The following PTPN21 variants were observed in gnomAD, a reference collection of about 807,000 sequenced individuals.
PTPN21 encodes tyrosine-protein phosphatase non-receptor type 21.
A neutral mutation model predicts 131.8 loss-of-function variants in PTPN21; 77 were observed. The ratio of observed to expected loss-of-function variants is 0.58; its 90% CI spans 0.49 to 0.71. PTPN21 has a LOEUF of 0.71. PTPN21 is among the 30% of genes least tolerant of loss of function. The pLI is 0.00. For synonymous variants in PTPN21, 715 were observed against 621.3 expected (o/e 1.15, Z -2.24); for missense variants, 1,552 against 1,527.1 (o/e 1.02, Z -0.27).
rs1160972950 is a variant in PTPN21, at chr14:88,479,407, G to C, written c.2024C>G (p.Pro675Arg). The C allele has an allele frequency of 1.9e-6, 3 of 1,603,654 alleles. No homozygotes were observed. Among genetic ancestry groups the C allele is most frequent in the East Asian group, 2.2e-5 (1 of 44,802 alleles). ...CTGTGTCCTCTCGGTGAAAACGCTG[G>C]GCTGGGAGCCCACCGAGACGGCTCG... ...APRAVSVGSQ[P>R]SVFTERTQRE... is the part of the protein sequence containing the mutation. Residue 675 changes from proline to arginine, a missense_variant, in exon 13 of 19, where the codon CCC becomes CGC. Transcript: ENST00000556564.
chr14:88,542,575 G>GAAT (rs2078722057), intron 2 of PTPN21, among the ~76,000 whole-genome samples: 1 of 152,208 alleles, frequency 6.6e-6, no homozygotes, highest in Non-Finnish European at 1.5e-5. Context: ...AGTCTAGGTT[G>GAAT]AATAATACTC....
chr14:88,517,156 T>C lies in PTPN21; in HGVS notation c.286A>G (p.Thr96Ala). ...KQLDKYALEP[T>A]VYFGVVFYVP... is the part of the protein sequence containing the mutation. ...TAAAACACCACTCCAAAATAGACGGTAGGTTCCAATGCATATTTATCCAGC... is the reference window on the plus strand; with the variant it reads ...TAAAACACCACTCCAAAATAGACGGCAGGTTCCAATGCATATTTATCCAGC... The change falls in exon 3 of 19, where the codon ACC becomes GCC. Residue 96 changes from threonine to alanine, a missense_variant. Thr to Ala is a moderately conservative substitution (Grantham distance 58). Around this residue, in one of 4 missense-constraint regions of PTPN21, gnomAD observed 206 missense variants for 221.6 expected, o/e 0.93. Transcript: ENST00000556564. 1.2e-6 allele frequency: 2 copies of C among 1,614,084 alleles called. No homozygotes were observed. Among genetic ancestry groups the C allele is most frequent in the South Asian group, 1.1e-5 (1 of 91,068 alleles).
rs1167296864 is a variant in PTPN21 at position 88,485,090 on chromosome 14, T to C, written c.1064A>G (p.Tyr355Cys). ...LHYNGHYTEP[Y>C]ASSQDNLFVP... is the part of the protein sequence containing the mutation. ...GTGTACTTTACCTTGGGAAGAAGCA[T>C]ATGGTTCTGTATAATGTCCATTATA... The change falls in exon 12 of 19, where the codon TAT (tyrosine) becomes TGT (cysteine). Residue 355 changes from tyrosine (Y) to cysteine (C), a missense_variant. This residue lies in a region of PTPN21 where 1,016 missense variants were observed against 883.5 expected (regional missense o/e 1.15). Coordinates refer to ENST00000556564, the MANE Select transcript of PTPN21 (RefSeq NM_007039.4). The C allele has an allele frequency of 1.9e-6, 3 of 1,600,474 alleles. No homozygotes were observed. Among genetic ancestry groups the C allele is most frequent in the Non-Finnish European group, 1.7e-6 (2 of 1,167,728 alleles).
At chr14:88,504,719 GAA>G (rs2078062756) in intron 5 of PTPN21, among the ~76,000 whole-genome samples, 1 of 151,972 alleles carries the variant, frequency 6.6e-6, no homozygotes, top group Non-Finnish European at 1.5e-5. Flanking sequence ...CAATTCCAGG[GAA>G]AGTTTCAGCT....
rs959415941 is a variant in PTPN21, at chr14:88,532,385, G to A, written c.181-15124C>T. 2.6e-5 allele frequency among the ~76,000 whole-genome samples: 4 copies of A among 152,030 alleles called. No homozygotes were observed. The East Asian group carries it at 7.7e-4, about 29-fold the overall frequency. On this transcript the variant is annotated intron_variant, in intron 2 of 18. Coordinates refer to ENST00000556564, the MANE Select transcript of PTPN21 (RefSeq NM_007039.4). ...TCATTAAGTCTAAGAAAAAAAATGA[G>A]CCAGAAATAGACGAGCCTATGAGTT...
chr14:88,545,435 C>T (rs2078762337), intron 2 of PTPN21, among the ~76,000 whole-genome samples: 1 of 152,192 alleles, frequency 6.6e-6, no homozygotes, highest in South Asian at 2.1e-4. Flanking sequence ...GGTGATGCCC[C>T]AGGCAGTGCC....
Position 88,473,646 on chromosome 14 carries a change from C to A in PTPN21, c.2649+19G>T. 1 of 1,600,632 alleles carries A rather than the reference C, an allele frequency of 6.2e-7. No homozygotes were observed. The highest frequency in any genetic ancestry group is 8.5e-7 in the Non-Finnish European group (1 of 1,176,774). ...GTTGTTCCAGAGAAGGCACAAAGCC[C>A]TGTGTGTCCCATACATACCCTTTCA... On this transcript the variant is annotated intron_variant, in intron 14 of 18. Coordinates refer to ENST00000556564, the MANE Select transcript of PTPN21 (RefSeq NM_007039.4).
At chr14:88,535,181 G>T (rs1270256884) in intron 2 of PTPN21, among the ~76,000 whole-genome samples, 1 of 152,034 alleles carries the variant, frequency 6.6e-6, no homozygotes, top group East Asian at 1.9e-4. Flanking sequence ...TAACATGTTG[G>T]ACAGGTTTAT....
intron 1 of PTPN21, among the ~76,000 whole-genome samples, chr14:88,553,472 G>A (rs1257949452): frequency 6.6e-6 from 1 of 152,042 alleles, no homozygotes; most frequent in Non-Finnish European, 1.5e-5. Flanking sequence ...AAACCAAGAT[G>A]AGTAGAAATT....
intron 13 of PTPN21, among the ~76,000 whole-genome samples, chr14:88,475,180 T>C (rs969738285): frequency 6.6e-6 from 1 of 152,130 alleles, no homozygotes; most frequent in African/African-American, 2.4e-5. Flanking sequence ...TGGAAAATAA[T>C]GGTTCTGCCC....
At chr14:88,499,855 G>C (rs928079927) in intron 8 of PTPN21, among the ~76,000 whole-genome samples, 4 of 152,052 alleles carry the variant, frequency 2.6e-5, no homozygotes, top group African/African-American at 9.7e-5. Context: ...GTACAATATG[G>C]TCCAACTTAC....
rs1864745 is a variant in PTPN21 at position 88,554,686 on chromosome 14, C to A, written c.-238G>T. 9,068 of 148,362 alleles carry A rather than the reference C, an allele frequency of 0.061. 363 individuals carry two copies. Among genetic ancestry groups the A allele is most frequent in the African/African-American group, 0.11 (4,578 of 41,064 alleles). The allele number at this position is 148,362 out of a possible 1,614,324, so 9.2% of individuals were successfully genotyped here. On this transcript the variant is annotated 5_prime_UTR_variant, in exon 1 of 19. Coordinates refer to ENST00000556564, the MANE Select transcript of PTPN21 (RefSeq NM_007039.4). ...TCCCGCTCCCGCATCCTCGGGGCCG[C>A]GCGCCCCGCTCAGCGACCCGCCTCC...
intron 2 of PTPN21, among the ~76,000 whole-genome samples, chr14:88,518,386 G>GTATGTATATATATATATATA (rs2078327130): frequency 1.0e-4 from 1 of 9,708 alleles, no homozygotes; most frequent in Non-Finnish European, 2.2e-4. Flanking sequence ...GTGTGTGTGT[G>GTATGTATATATATATATATA]TATATATATA....
intron 1 of PTPN21, among the ~76,000 whole-genome samples, chr14:88,553,450 CTG>C (rs1423398145): frequency 1.3e-5 from 2 of 151,940 alleles, no homozygotes; most frequent in African/African-American, 4.8e-5. Context: ...TTATGAATGT[CTG>C]AAGATAATAA....
intron 2 of PTPN21, among the ~76,000 whole-genome samples, chr14:88,542,410 G>A (rs2078719278): frequency 6.6e-6 from 1 of 152,152 alleles, no homozygotes. Context: ...AATCTCGAAT[G>A]AGTAAATTCA....
chr14:88,479,009 G>T lies in PTPN21; in HGVS notation c.2422C>A (p.Arg808=), dbSNP rs1238927894. 4 of 1,602,164 alleles carry T rather than the reference G, an allele frequency of 2.5e-6. No individual in the cohort carries two copies. Among genetic ancestry groups the T allele is most frequent in the Non-Finnish European group, 3.4e-6 (4 of 1,174,996 alleles). ...ESDLTTSGRY[R]ARRDSLKKRP... ...TTCTTCAGAGAGTCCCTCCGGGCTCGGTAGCGGCCTGACGTGGTGAGGTCG... is the reference window on the plus strand; with the variant it reads ...TTCTTCAGAGAGTCCCTCCGGGCTCTGTAGCGGCCTGACGTGGTGAGGTCG... Residue 808 remains arginine, a synonymous_variant, in exon 13 of 19, where the codon CGA becomes AGA. Transcript: ENST00000556564.
At chr14:88,482,601 G>A (rs185935234) in intron 12 of PTPN21, among the ~76,000 whole-genome samples, 257 of 151,292 alleles carry the variant, frequency 1.7e-3, no homozygotes, top group Admixed American at 2.6e-3. Context: ...CAACAAAAGC[G>A]AAACTCCATC....
rs1414922089 is a variant in PTPN21, at chr14:88,554,962, A to G, written c.-514T>C. ...GGAGGACGGACAGACCGTCGGACCG[A>G]CGCGGGACGCGCGGCCGGAGCAGCG... is the stretch of plus-strand genomic sequence containing the variant. On this transcript the variant is annotated 5_prime_UTR_variant, in exon 1 of 19. Transcript: ENST00000556564. 2.0e-5 allele frequency among the ~76,000 whole-genome samples: 3 copies of G among 151,390 alleles called. No homozygotes were observed. Among genetic ancestry groups the G allele is most frequent in the African/African-American group, 7.2e-5 (3 of 41,380 alleles).
At chr14:88,553,288 T>C (rs956942159) in intron 1 of PTPN21, among the ~76,000 whole-genome samples, 1 of 152,204 alleles carries the variant, frequency 6.6e-6, no homozygotes, top group Non-Finnish European at 1.5e-5. Flanking sequence ...CCCCAAGATC[T>C]ATCCATAAGA....
Sources: gnomAD v4.1 joint callset for allele counts (sites outside exome capture counted in the v4.1 genomes callset) on GRCh38, gnomAD v4.1.1 for gene constraint, gnomAD v4.1.1 regional missense constraint, MANE v1.5 for transcripts, NCBI Gene and HGNC (gene_info 2026-07-23, HGNC 2026-07-21) for gene names.